The following CSMD1 variants were observed in gnomAD, a reference collection of about 807,000 sequenced individuals.
The protein encoded by CSMD1 is CUB and Sushi multiple domains 1.
A neutral mutation model predicts 417.5 loss-of-function variants in CSMD1; 213 were observed. The ratio of observed to expected loss-of-function variants is 0.51; its 90% CI spans 0.46 to 0.57. CSMD1 has a LOEUF of 0.57. CSMD1 is among the 20% of genes least tolerant of loss of function. The pLI is 0.00. For synonymous variants in CSMD1, 2,862 were observed against 1,736.8 expected, an observed-to-expected ratio of 1.65 and a Z score of -16.11; for missense variants, 6,923 against 4,529.7, an observed-to-expected ratio of 1.53 and a Z score of -15.17.
chr8:4,147,713 A>C (rs1477896973), intron 3 of CSMD1, among the ~76,000 whole-genome samples: 1 of 152,132 alleles, frequency 6.6e-6, no homozygotes, highest in African/African-American at 2.4e-5. Context: ...CAGGTTTCAG[A>C]TGCAGACACT....
rs561503922 is a variant in CSMD1 at position 3,120,705 on chromosome 8, G to T, written c.6242-2118C>A. Among the ~76,000 whole-genome samples the T allele has an allele frequency of 4.7e-3, 543 of 114,394 alleles. 6 individuals carry two copies. Among genetic ancestry groups the T allele is most frequent in the African/African-American group, 0.026 (520 of 20,214 alleles). 75.0% of individuals were successfully genotyped at this position (114,394 alleles called of 152,430 possible). Reference sequence around the variant, plus strand: ...CTACTAAAAATACAAAAATTAGCCAGGGGGGGTGACCGGCACCTGTAATCC... The same window carrying T: ...CTACTAAAAATACAAAAATTAGCCATGGGGGGTGACCGGCACCTGTAATCC... On this transcript the variant is annotated intron_variant, in intron 41 of 69. Transcript: ENST00000635120.
intron 1 of CSMD1, among the ~76,000 whole-genome samples, chr8:4,931,335 A>T (rs1167916521): frequency 6.6e-6 from 1 of 152,204 alleles, no homozygotes; most frequent in African/African-American, 2.4e-5. Context: ...AGGAGTAAAC[A>T]TCCCATCCCT....
chr8:4,083,225 C>A (rs893589855), intron 3 of CSMD1, among the ~76,000 whole-genome samples: 3 of 152,064 alleles, frequency 2.0e-5, no homozygotes, highest in African/African-American at 7.2e-5. Context: ...GTTTACAGGC[C>A]CACCAACAGT....
chr8:4,932,570 T>G (rs1361165979), intron 1 of CSMD1, among the ~76,000 whole-genome samples: 1 of 152,198 alleles, frequency 6.6e-6, no homozygotes, highest in South Asian at 2.1e-4. Flanking sequence ...TGCTCTTGTC[T>G]TAGAAATATG....
intron 3 of CSMD1, among the ~76,000 whole-genome samples, chr8:4,236,078 A>AT (rs1802041061): frequency 5.5e-5 from 4 of 72,186 alleles, no homozygotes; most frequent in Non-Finnish European, 1.0e-4. Context: ...TTGTAATTTC[A>AT]TTTTTTCCAG....
chr8:4,382,904 C>T (rs926807864), intron 3 of CSMD1, among the ~76,000 whole-genome samples: 47 of 152,232 alleles, frequency 3.1e-4, no homozygotes, highest in African/African-American at 1.1e-3. Context: ...TCAAGAATAC[C>T]TAGTTAATAA....
chr8:3,449,132 A>G (rs1238985156), intron 12 of CSMD1, among the ~76,000 whole-genome samples: 3 of 152,232 alleles, frequency 2.0e-5, no homozygotes, highest in Non-Finnish European at 2.9e-5. Flanking sequence ...AAGCACTTGT[A>G]ATACACTTAA....
At chr8:4,959,614 G>A (rs1184354176) in intron 1 of CSMD1, among the ~76,000 whole-genome samples, 1 of 152,224 alleles carries the variant, frequency 6.6e-6, no homozygotes, top group Non-Finnish European at 1.5e-5. Flanking sequence ...CAGGCTTCCT[G>A]GCTTCCAGCC....
chr8:4,102,891 G>C (rs1801378359), intron 3 of CSMD1, among the ~76,000 whole-genome samples: 1 of 152,092 alleles, frequency 6.6e-6, no homozygotes, highest in Non-Finnish European at 1.5e-5. Context: ...CAGTCTAAAG[G>C]TTATAGCAAA....
intron 2 of CSMD1, among the ~76,000 whole-genome samples, chr8:4,421,120 G>T (rs1005035030): frequency 6.6e-6 from 1 of 150,618 alleles, no homozygotes; most frequent in East Asian, 2.0e-4. Context: ...ACATGAAGGA[G>T]TAAATGACTG....
At chr8:3,335,237 T>C (rs1807179491) in intron 23 of CSMD1, among the ~76,000 whole-genome samples, 1 of 152,164 alleles carries the variant, frequency 6.6e-6, no homozygotes, top group Non-Finnish European at 1.5e-5. Context: ...TACCCTCTGC[T>C]CTGTGTTACG....
At chr8:4,370,912 A>G (rs1478643312) in intron 3 of CSMD1, among the ~76,000 whole-genome samples, 2 of 152,086 alleles carry the variant, frequency 1.3e-5, no homozygotes, top group African/African-American at 4.8e-5. Context: ...TCTGAAGTCT[A>G]TGTCTGACAC....
chr8:4,064,504 G>C (rs962706277), intron 3 of CSMD1, among the ~76,000 whole-genome samples: 2 of 152,174 alleles, frequency 1.3e-5, no homozygotes, highest in African/African-American at 2.4e-5. Flanking sequence ...GCAAATGTGA[G>C]GCAGGGATAA....
At chr8:4,061,848 G>C (rs1798988368) in intron 3 of CSMD1, among the ~76,000 whole-genome samples, 4 of 152,140 alleles carry the variant, frequency 2.6e-5, no homozygotes, top group Admixed American at 2.6e-4. Context: ...ACACTGTATA[G>C]ATGTAGGTCA....
intron 3 of CSMD1, among the ~76,000 whole-genome samples, chr8:4,392,376 G>C (rs1379985158): frequency 1.3e-5 from 2 of 152,114 alleles, no homozygotes; most frequent in Non-Finnish European, 2.9e-5. Context: ...AGAGAAAATA[G>C]AGATTAAAAT....
At chr8:4,705,169 T>C (rs183483003) in intron 1 of CSMD1, among the ~76,000 whole-genome samples, 2 of 152,286 alleles carry the variant, frequency 1.3e-5, no homozygotes, top group Admixed American at 6.5e-5. Context: ...TTCACCATAA[T>C]TGTAAGTTTC....
intron 1 of CSMD1, among the ~76,000 whole-genome samples, chr8:4,976,637 T>G (rs1810577722): frequency 1.3e-5 from 2 of 152,226 alleles, no homozygotes; most frequent in South Asian, 2.1e-4. Flanking sequence ...TAAACTCATT[T>G]GCTATGACCC....
intron 3 of CSMD1, among the ~76,000 whole-genome samples, chr8:4,125,343 T>C (rs989969272): frequency 1.8e-4 from 27 of 152,314 alleles, no homozygotes; most frequent in Admixed American, 2.6e-4. Flanking sequence ...AGCGCAACTG[T>C]TTGTCTCTCA....
At chr8:3,937,042 AT>A (rs368392958) in intron 5 of CSMD1, among the ~76,000 whole-genome samples, 1 of 152,202 alleles carries the variant, frequency 6.6e-6, no homozygotes, top group African/African-American at 2.4e-5. Context: ...AACTTCAGAC[AT>A]GTTGAAAACA....
Sources: gnomAD v4.1 joint callset for allele counts (sites outside exome capture counted in the v4.1 genomes callset) on GRCh38, gnomAD v4.1.1 for gene constraint, MANE v1.5 for transcripts, NCBI Gene and HGNC (gene_info 2026-07-23, HGNC 2026-07-21) for gene names.